Variants in NDUFS1 observed in about 807,000 individuals in gnomAD.
The protein encoded by NDUFS1 is NADH-ubiquinone oxidoreductase 75 kDa subunit, mitochondrial.
Under a neutral mutation model 84.4 loss-of-function variants are expected in NDUFS1, and 61 were observed. The observed-to-expected ratio is 0.72, with a 90% CI of 0.59 to 0.89. NDUFS1 has a LOEUF of 0.89. Ranked by LOEUF, NDUFS1 falls within the 40% of genes least tolerant of loss-of-function variation. The pLI is 0.00. For synonymous variants in NDUFS1, 275 were observed against 290.0 expected, an observed-to-expected ratio of 0.95 and a Z score of 0.53; for missense variants, 891 against 890.0, an observed-to-expected ratio of 1.00 and a Z score of -0.01.
In NDUFS1 at chr2:206,133,032, A is replaced by G; in HGVS notation, c.1466T>C (p.Ile489Thr). Residue 489 changes from isoleucine to threonine, a missense_variant, in exon 14 of 19, where the codon ATT becomes ACT. Physicochemically the swap from Ile to Thr is moderately conservative, Grantham distance 89. Transcript: ENST00000233190. ...SALQRNDGAA[I>T]LAAVSSIAQK... is the part of the protein sequence containing the mutation. ...TGCAATGCTAGAAACAGCTGCAAGA[A>G]TTGCTGCTCCATCATTTCTTTGGAG... The G allele has an allele frequency of 6.2e-7, 1 of 1,612,946 alleles. No homozygotes were observed. Among genetic ancestry groups the G allele is most frequent in the East Asian group, 2.2e-5 (1 of 44,758 alleles).
At chr2:206,131,269 A>G (rs74703977) in intron 14 of NDUFS1, among the ~76,000 whole-genome samples, 1 of 152,212 alleles carries the variant, frequency 6.6e-6, no homozygotes, top group Non-Finnish European at 1.5e-5. Context: ...TCTGTGAATC[A>G]CTGTATTATT....
At chr2:206,146,133 C>T (rs559557733) in intron 8 of NDUFS1, among the ~76,000 whole-genome samples, 2 of 152,270 alleles carry the variant, frequency 1.3e-5, no homozygotes, top group Admixed American at 6.5e-5. Context: ...TATTAGGTCA[C>T]GGTGTTTGAA....
Position 206,121,414 on chromosome 2 carries a change from C to A in NDUFS1, c.*2771G>T, listed in dbSNP as rs1374583873. 1 of 152,136 alleles carries A rather than the reference C, an allele frequency of 6.6e-6. No individual in the cohort carries two copies. The highest frequency in any genetic ancestry group is 1.9e-4 in the East Asian group (1 of 5,202). 9.4% of individuals were successfully genotyped at this position (152,136 alleles called of 1,614,324 possible). A position where few individuals can be genotyped will look rare whatever the true frequency, so the allele number is the denominator to read the frequency against. On this transcript the variant is annotated 3_prime_UTR_variant, in exon 19 of 19. Coordinates refer to ENST00000233190, the MANE Select transcript of NDUFS1 (RefSeq NM_005006.7). ...CACTAATATGTGCCCATGAGACAGA[C>A]GGAGCACTACTTATCCCAGAGGAGG... is the stretch of plus-strand genomic sequence containing the variant.
Position 206,141,924 on chromosome 2 carries a change from T to C in NDUFS1, c.1262+17A>G, listed in dbSNP as rs144695826. ...TACATAAATATTTTTAAACCTTGAA[T>C]AAATACTATTACCAACCTCTTTCGA... On this transcript the variant is annotated intron_variant, in intron 12 of 18. Transcript: ENST00000233190. 4.3e-4 allele frequency: 685 copies of C among 1,604,322 alleles called. 1 individual carries two copies. The African/African-American group carries it at 8.2e-3, about 19-fold the overall frequency.
In NDUFS1 at chr2:206,118,816, G is replaced by A. The variant is rs1691019957; in HGVS notation, c.*5369C>T. 1 of 151,750 alleles carries A rather than the reference G, an allele frequency of 6.6e-6. No homozygotes were observed. Among genetic ancestry groups the A allele is most frequent in the Non-Finnish European group, 1.5e-5 (1 of 67,978 alleles). 9.4% of individuals were successfully genotyped at this position (151,750 alleles called of 1,614,324 possible). A position where few individuals can be genotyped will look rare whatever the true frequency, so the allele number is the denominator to read the frequency against. The stretch of plus-strand genomic sequence containing the variant: ...AAAATACAAAAATTGACTGGGCACG[G>A]ATAGCTCACGCCTGTAATCCCAGCA... On this transcript the variant is annotated 3_prime_UTR_variant, in exon 19 of 19. Coordinates refer to ENST00000233190, the MANE Select transcript of NDUFS1 (RefSeq NM_005006.7).
chr2:206,144,819 T>C lies in NDUFS1; in HGVS notation c.872+73A>G. ...GTAACTAATTTGCAAATATAAAAGATAATTCTTCAAAATTATTATAAAATT... is the reference window on the plus strand; with the variant it reads ...GTAACTAATTTGCAAATATAAAAGACAATTCTTCAAAATTATTATAAAATT... On this transcript the variant is annotated intron_variant, in intron 9 of 18. Coordinates refer to ENST00000233190, the MANE Select transcript of NDUFS1 (RefSeq NM_005006.7). 2.0e-6 allele frequency: 3 copies of C among 1,494,004 alleles called. No individual in the cohort carries two copies. In the South Asian group the frequency reaches 3.6e-5, roughly 18 times the overall value. 92.5% of individuals were successfully genotyped at this position (1,494,004 alleles called of 1,614,324 possible). A position where few individuals can be genotyped will look rare whatever the true frequency, so the allele number is the denominator to read the frequency against.
intron 15 of NDUFS1, among the ~76,000 whole-genome samples, chr2:206,128,939 T>C (rs1405098950): frequency 6.6e-6 from 1 of 151,994 alleles, no homozygotes; most frequent in Non-Finnish European, 1.5e-5. Flanking sequence ...TTTGTGAAAT[T>C]TGGTAAAGTA....
intron 7 of NDUFS1, 99 bp downstream of exon 7, chr2:206,147,432 A>T: frequency 2.4e-6 from 3 of 1,269,538 alleles, no homozygotes; most frequent in Non-Finnish European, 3.2e-6. Flanking sequence ...CTCCCACCCA[A>T]AAAAAGTAGC....
At chr2:206,133,841 G>A (rs557821155) in intron 13 of NDUFS1, among the ~76,000 whole-genome samples, 1 of 152,282 alleles carries the variant, frequency 6.6e-6, no homozygotes, top group East Asian at 1.9e-4. Context: ...TTAACCAGGT[G>A]CGGTGTTATG....
rs116137442 is a variant in NDUFS1, at chr2:206,159,412, C to T, written c.-76G>A. 910 of 493,344 alleles carry T rather than the reference C, an allele frequency of 1.8e-3. 7 individuals carry two copies. Among genetic ancestry groups the T allele is most frequent in the African/African-American group, 0.016 (811 of 51,884 alleles). The allele number at this position is 493,344 out of a possible 1,614,324, so 30.6% of individuals were successfully genotyped here. On this transcript the variant is annotated 5_prime_UTR_variant, in exon 1 of 19. Transcript: ENST00000233190. ...ACGACGACCCCCTAGGAGGCCGGGT[C>T]GCTTATTCAATATGGCGGCCTCGGC...
intron 10 of NDUFS1, 37 bp from the exon 11 acceptor site, chr2:206,142,868 A>C: frequency 6.2e-7 from 1 of 1,612,704 alleles, no homozygotes; most frequent in Non-Finnish European, 8.5e-7. Context: ...CAAGAAACCT[A>C]CACGCAGCAA....
Position 206,116,316 on chromosome 2 carries a change from C to A in NDUFS1, c.*7869G>T, listed in dbSNP as rs1690941071. The A allele has an allele frequency of 9.9e-6, 9 of 905,742 alleles. No homozygotes were observed. In the South Asian group the frequency reaches 1.2e-4, roughly 12 times the overall value. 56.1% of individuals were successfully genotyped at this position (905,742 alleles called of 1,614,324 possible). A position where few individuals can be genotyped will look rare whatever the true frequency, so the allele number is the denominator to read the frequency against. The stretch of plus-strand genomic sequence containing the variant: ...GAATAGAGTTCACTAGCAGCTTTCA[C>A]ACTCTCCAAAGCACCAAACTCATCT... On this transcript the variant is annotated 3_prime_UTR_variant, in exon 19 of 19. Transcript: ENST00000233190.
rs1690910667 is a variant in NDUFS1 at position 206,115,096 on chromosome 2, C to A, written c.*9089G>T. 1 of 152,130 alleles carries A rather than the reference C, an allele frequency of 6.6e-6. No individual in the cohort carries two copies. Among genetic ancestry groups the A allele is most frequent in the Admixed American group, 6.5e-5 (1 of 15,274 alleles). 9.4% of individuals were successfully genotyped at this position (152,130 alleles called of 1,614,324 possible). On this transcript the variant is annotated 3_prime_UTR_variant, in exon 19 of 19. Coordinates refer to ENST00000233190, the MANE Select transcript of NDUFS1 (RefSeq NM_005006.7). The stretch of plus-strand genomic sequence containing the variant: ...CATGACAAACATTGCAAATGTACAT[C>A]CTTTGTCTCATGATGAATCATGCCT...
chr2:206,154,922 CTTTTTTTTT>C (rs71034412), intron 1 of NDUFS1, among the ~76,000 whole-genome samples: 1 of 100,826 alleles, frequency 9.9e-6, no homozygotes, highest in African/African-American at 4.2e-5. Flanking sequence ...GTGCCCGGCC[CTTTTTTTTT>C]TTTTTTTTTT....
chr2:206,126,911 A>C, intron 16 of NDUFS1, 67 bp from the exon 17 acceptor site: 1 of 1,575,258 alleles, frequency 6.3e-7, no homozygotes, highest in Non-Finnish European at 8.7e-7. Context: ...AATAATAGAT[A>C]ATTGTAACTA....
chr2:206,149,954 A>T, intron 3 of NDUFS1, 29 bp from the exon 4 acceptor site: 1 of 1,406,402 alleles, frequency 7.1e-7, no homozygotes, highest in Non-Finnish European at 1.0e-6. Flanking sequence ...AAAAAAAAAA[A>T]AAAAGCATTA....
At chr2:206,131,694 T>C (rs1489680429) in intron 14 of NDUFS1, among the ~76,000 whole-genome samples, 1 of 151,982 alleles carries the variant, frequency 6.6e-6, no homozygotes, top group Non-Finnish European at 1.5e-5. Context: ...TCCCAGCACT[T>C]TGGAAGGCTG....
chr2:206,118,622 T>A lies in NDUFS1; in HGVS notation c.*5563A>T, dbSNP rs11686537. The A allele has an allele frequency of 0.26, 38,641 of 151,398 alleles. 5,158 individuals carry two copies. Among genetic ancestry groups the A allele is most frequent in the Middle Eastern group, 0.31 (91 of 292 alleles). The allele number at this position is 151,398 out of a possible 1,614,324, so 9.4% of individuals were successfully genotyped here. On this transcript the variant is annotated 3_prime_UTR_variant, in exon 19 of 19. Coordinates refer to ENST00000233190, the MANE Select transcript of NDUFS1 (RefSeq NM_005006.7). Reference sequence around the variant, plus strand: ...TCCAGTCTGGGTAACAGAGCCAGAATCTTATTAGGGAATTCTGACATCTTC... The same window carrying A: ...TCCAGTCTGGGTAACAGAGCCAGAAACTTATTAGGGAATTCTGACATCTTC...
At chr2:206,135,754 TAGAG>T (rs558391980) in intron 13 of NDUFS1, among the ~76,000 whole-genome samples, 11 of 152,142 alleles carry the variant, frequency 7.2e-5, no homozygotes, top group East Asian at 1.9e-4. Context: ...GGATGGGAAT[TAGAG>T]AGGAGAAAGG....
Sources: allele counts gnomAD v4.1 joint callset (sites outside exome capture counted in the v4.1 genomes callset), GRCh38; gene constraint gnomAD v4.1.1; transcripts MANE v1.5; gene names NCBI Gene and HGNC (gene_info 2026-07-23, HGNC 2026-07-21).